Variants in MAPRE1 observed in about 807,000 individuals in gnomAD.
MAPRE1 encodes microtubule-associated protein RP/EB family member 1.
In MAPRE1, 5 loss-of-function variants were observed where a neutral mutation model predicts 32.1. The ratio of observed to expected loss-of-function variants is 0.16; its 90% CI spans 0.08 to 0.33. The LOEUF is 0.33. MAPRE1 is among the 10% of genes least tolerant of loss of function. The pLI, the probability that MAPRE1 is intolerant of heterozygous loss-of-function variation, is 1.00. For synonymous variants in MAPRE1, 122 were observed against 118.9 expected (o/e 1.03, Z -0.17); for missense variants, 209 against 327.2 (o/e 0.64, Z 2.79).
At chr20:32,839,951 G>T in intron 5 of MAPRE1, 95 bp downstream of exon 5, 2 of 1,530,024 alleles carry the variant, frequency 1.3e-6, no homozygotes, top group South Asian at 1.2e-5. Flanking sequence ...ATGAACACCT[G>T]CCTTGTTTGC....
chr20:32,842,778 C>T (rs961093415), intron 5 of MAPRE1, among the ~76,000 whole-genome samples: 2 of 152,170 alleles, frequency 1.3e-5, no homozygotes, highest in Non-Finnish European at 2.9e-5. Context: ...TGGTGCCTGC[C>T]TGTGTTCAAG....
chr20:32,844,599 A>G (rs539156280), intron 5 of MAPRE1, among the ~76,000 whole-genome samples: 3 of 151,864 alleles, frequency 2.0e-5, no homozygotes, highest in African/African-American at 7.3e-5. Flanking sequence ...ATTTTTATAG[A>G]GACGGGGATT....
intron 5 of MAPRE1, among the ~76,000 whole-genome samples, chr20:32,840,616 C>T (rs765762229): frequency 2.6e-5 from 4 of 152,032 alleles, no homozygotes; most frequent in African/African-American, 7.2e-5. Flanking sequence ...TGAGTCACCA[C>T]GCCTGGCTCC....
At chr20:32,829,056 GATTACAGGTGCGTGCCACCTGTAA>G (rs1052340505) in intron 2 of MAPRE1, among the ~76,000 whole-genome samples, 5 of 152,058 alleles carry the variant, frequency 3.3e-5, no homozygotes, top group African/African-American at 1.2e-4. Context: ...GAGGAGCTGG[GATTACAGGTGCGTGCCACCTGTAA>G]TTTTTGTATT....
At chr20:32,822,548 C>T (rs1311360506) in intron 1 of MAPRE1, among the ~76,000 whole-genome samples, 2 of 152,162 alleles carry the variant, frequency 1.3e-5, no homozygotes, top group Non-Finnish European at 2.9e-5. Context: ...AAGGTCCCTA[C>T]CCTACATCTT....
At position 32,832,050 on chromosome 20, in the gene MAPRE1, C is replaced by CT. The variant is rs533305169; in HGVS notation, c.122-1664dup. On this transcript the variant is annotated intron_variant, in intron 2 of 6. Transcript: ENST00000375571. ...TCAAGGCCTTAACCTTCTGAAGATC[C>CT]TTTCTTAATTAAGAATGTCACCCTG... Among the ~76,000 whole-genome samples the CT allele has an allele frequency of 9.9e-5, 15 of 152,122 alleles. No homozygotes were observed. In the South Asian group the frequency reaches 2.9e-3, roughly 29 times the overall value.
intron 4 of MAPRE1, among the ~76,000 whole-genome samples, chr20:32,838,488 C>G (rs1173399579): frequency 6.6e-6 from 1 of 152,172 alleles, no homozygotes; most frequent in Admixed American, 6.6e-5. Context: ...TTTGATTTCT[C>G]TCAGTTACAG....
intron 2 of MAPRE1, among the ~76,000 whole-genome samples, chr20:32,829,283 G>A (rs886862691): frequency 1.3e-5 from 2 of 152,208 alleles, no homozygotes; most frequent in Non-Finnish European, 2.9e-5. Context: ...AAAAGGGTAA[G>A]TGCAGGACAC....
chr20:32,837,940 G>A (rs1731340160), intron 4 of MAPRE1, among the ~76,000 whole-genome samples: 2 of 152,080 alleles, frequency 1.3e-5, no homozygotes, highest in Admixed American at 1.3e-4. Context: ...AAAATTATCT[G>A]GGCATGGTGG....
At chr20:32,832,656 C>G (rs1983067933) in intron 2 of MAPRE1, among the ~76,000 whole-genome samples, 1 of 151,816 alleles carries the variant, frequency 6.6e-6, no homozygotes, top group Non-Finnish European at 1.5e-5. Context: ...TTTGTAGAGA[C>G]AGGGTTTCAC....
At chr20:32,826,471 C>T (rs1284247456) in intron 2 of MAPRE1, among the ~76,000 whole-genome samples, 16 of 145,112 alleles carry the variant, frequency 1.1e-4, no homozygotes, top group African/African-American at 3.3e-4. Context: ...CTGCCTGCCT[C>T]GGTCTCCCAA....
rs1983107058 is a variant in MAPRE1 at position 32,833,787 on chromosome 20, A to G, written c.192A>G (p.Gln64=). Residue 64 remains glutamine (Q), a synonymous_variant, in exon 3 of 7, where the codon CAA becomes CAG. Transcript: ENST00000375571. ...TTGCCTTGAAGAAAGTGAAATTCCAAGCTAAGCTAGAACACGAGTACATCC... is the reference window on the plus strand; with the variant it reads ...TTGCCTTGAAGAAAGTGAAATTCCAGGCTAAGCTAGAACACGAGTACATCC... ...GSIALKKVKF[Q]AKLEHEYIQN... is the part of the protein sequence containing the mutation. The G allele has an allele frequency of 1.2e-6, 2 of 1,614,038 alleles. No homozygotes were observed. Among genetic ancestry groups the G allele is most frequent in the Admixed American group, 1.7e-5 (1 of 60,000 alleles).
At chr20:32,832,533 C>G (rs1306970755) in intron 2 of MAPRE1, among the ~76,000 whole-genome samples, 3 of 143,854 alleles carry the variant, frequency 2.1e-5, no homozygotes, top group African/African-American at 7.8e-5. Context: ...GTGATGTGAT[C>G]ATGGCTCACT....
intron 3 of MAPRE1, among the ~76,000 whole-genome samples, chr20:32,835,122 G>C (rs1419796880): frequency 6.6e-6 from 1 of 152,130 alleles, no homozygotes; most frequent in Non-Finnish European, 1.5e-5. Context: ...CTACTCTGGA[G>C]GTTGAGGCAG....
intron 2 of MAPRE1, among the ~76,000 whole-genome samples, chr20:32,828,423 T>C (rs1982928812): frequency 6.6e-6 from 1 of 152,232 alleles, no homozygotes; most frequent in South Asian, 2.1e-4. Flanking sequence ...TGATCTTTAA[T>C]GTTTAGATAA....
Position 32,831,650 on chromosome 20 carries a change from G to A in MAPRE1, c.122-2067G>A, listed in dbSNP as rs989993525. On this transcript the variant is annotated intron_variant, in intron 2 of 6. Transcript: ENST00000375571. Reference sequence around the variant, plus strand: ...CGGGTTAAAGCGATTCTCCTGCCTCGGGTTCCCAAGCAGCTGGGACTACAG... The same window carrying A: ...CGGGTTAAAGCGATTCTCCTGCCTCAGGTTCCCAAGCAGCTGGGACTACAG... 3.3e-5 allele frequency among the ~76,000 whole-genome samples: 5 copies of A among 151,056 alleles called. No homozygotes were observed. In the East Asian group the frequency reaches 7.8e-4, roughly 24 times the overall value.
chr20:32,843,853 T>G (rs1418591470), intron 5 of MAPRE1, among the ~76,000 whole-genome samples: 9 of 152,144 alleles, frequency 5.9e-5, no homozygotes, highest in African/African-American at 1.4e-4. Context: ...CTACAGGTTT[T>G]TTTTTTTTTT....
chr20:32,834,315 T>C (rs1983124615), intron 3 of MAPRE1, among the ~76,000 whole-genome samples: 1 of 152,182 alleles, frequency 6.6e-6, no homozygotes, highest in African/African-American at 2.4e-5. Context: ...AAATACTTGC[T>C]TTTTATAGAA....
chr20:32,847,405 T>A (rs2146142354), intron 6 of MAPRE1, among the ~76,000 whole-genome samples: 1 of 152,358 alleles, frequency 6.6e-6, no homozygotes, highest in East Asian at 1.9e-4. Flanking sequence ...AATGGTGATG[T>A]TTGTAATTCT....
Sources: allele counts gnomAD v4.1 joint callset (sites outside exome capture counted in the v4.1 genomes callset), GRCh38; gene constraint gnomAD v4.1.1; transcripts MANE v1.5; gene names NCBI Gene and HGNC (gene_info 2026-07-23, HGNC 2026-07-21).